Variants in ADAP2 observed in about 807,000 individuals in gnomAD.
ADAP2 encodes arf-GAP with dual PH domain-containing protein 2.
ADAP2 carries 42 observed loss-of-function variants against 54.9 expected under a neutral mutation model. The observed-to-expected ratio is 0.77, with a 90% CI of 0.60 to 0.99. ADAP2 has a LOEUF of 0.99. Among genes scored for constraint, ADAP2 ranks in the 50% least tolerant of loss-of-function variants. The pLI, the probability that ADAP2 is intolerant of heterozygous loss-of-function variation, is 0.00. For missense variants in ADAP2, 429 were observed against 480.4 expected (o/e 0.89, Z 1.00); for synonymous variants, 177 against 180.1 (o/e 0.98, Z 0.14).
At chr17:30,950,627 C>G (rs1006402240) in intron 7 of ADAP2, among the ~76,000 whole-genome samples, 1 of 152,132 alleles carries the variant, frequency 6.6e-6, no homozygotes, top group Non-Finnish European at 1.5e-5. Context: ...TTAGAGTTTC[C>G]TTGAAAGCCT....
chr17:30,934,717 G>A (rs1911747547), intron 5 of ADAP2, among the ~76,000 whole-genome samples: 1 of 152,094 alleles, frequency 6.6e-6, no homozygotes. Flanking sequence ...AATATACCAG[G>A]AGGCAATAGT....
chr17:30,953,662 G>C (rs1443572038), intron 8 of ADAP2, among the ~76,000 whole-genome samples: 1 of 151,958 alleles, frequency 6.6e-6, no homozygotes, highest in Non-Finnish European at 1.5e-5. Flanking sequence ...TCAGACTCCT[G>C]AGTAGCTGGG....
chr17:30,938,844 T>A (rs188475522), intron 5 of ADAP2, among the ~76,000 whole-genome samples: 1 of 152,224 alleles, frequency 6.6e-6, no homozygotes, highest in African/African-American at 2.4e-5. Context: ...AATTCAATAT[T>A]TGATACCAGA....
rs774990978 is a variant in ADAP2 at position 30,954,554 on chromosome 17, T to C, written c.881T>C (p.Leu294Pro). Residue 294 changes from leucine to proline, a missense_variant and splice_region_variant, in exon 9 of 11, where the codon CTG (leucine) becomes CCG (proline). Transcript: ENST00000330889. ...AGGCTGCTCTATTACAAGAACCCAC[T>C]GGTAAGAGCCACTCCTGCTCCCTCC... ...ERRLLYYKNPLDAFEQGQVFL... is the reference protein window; with the variant it reads ...ERRLLYYKNPPDAFEQGQVFL... 2.8e-5 allele frequency: 45 copies of C among 1,613,668 alleles called. No individual in the cohort carries two copies. In the East Asian group the frequency reaches 8.9e-4, roughly 32 times the overall value.
chr17:30,932,580 CTTT>C (rs544534572), intron 4 of ADAP2, among the ~76,000 whole-genome samples: 6 of 137,102 alleles, frequency 4.4e-5, no homozygotes, highest in Non-Finnish European at 3.2e-5. Flanking sequence ...TCTTCTTCTT[CTTT>C]TTTTTTTTTT....
intron 7 of ADAP2, among the ~76,000 whole-genome samples, chr17:30,950,064 G>A (rs770647663): frequency 2.0e-5 from 3 of 152,222 alleles, no homozygotes; most frequent in African/African-American, 4.8e-5. Flanking sequence ...TGGCAGCCAG[G>A]CAGGGGTGAT....
intron 7 of ADAP2, among the ~76,000 whole-genome samples, chr17:30,949,841 G>A (rs1442602652): frequency 6.6e-6 from 1 of 151,918 alleles, no homozygotes; most frequent in East Asian, 1.9e-4. Context: ...TCAGAGGGAA[G>A]CCCAAGGCAT....
At chr17:30,930,693 G>C (rs1222159363) in intron 3 of ADAP2, among the ~76,000 whole-genome samples, 1 of 152,182 alleles carries the variant, frequency 6.6e-6, no homozygotes, top group African/African-American at 2.4e-5. Context: ...TGAATGACCA[G>C]GTTGGGCCAG....
In ADAP2 at chr17:30,957,904, C is replaced by T; in HGVS notation, c.*35C>T. 6.2e-7 allele frequency: 1 copy of T among 1,606,546 alleles called. No individual in the cohort carries two copies. On this transcript the variant is annotated 3_prime_UTR_variant, in exon 11 of 11. Coordinates refer to ENST00000330889, the MANE Select transcript of ADAP2 (RefSeq NM_018404.3). ...TGAGGAACTGGCTGCCACTGAACAC[C>T]TGGAACTCCTTGTGGGAAGAAGTTT... is the stretch of plus-strand genomic sequence containing the variant.
intron 4 of ADAP2, among the ~76,000 whole-genome samples, chr17:30,933,117 A>C (rs1911617196): frequency 6.6e-6 from 1 of 152,120 alleles, no homozygotes; most frequent in Non-Finnish European, 1.5e-5. Context: ...AAAGTATAAA[A>C]AATCATTCTT....
At chr17:30,923,221 G>T in intron 2 of ADAP2, 151 bp downstream of exon 2, 1 of 867,090 alleles carries the variant, frequency 1.2e-6, no homozygotes, top group Middle Eastern at 2.3e-4. Flanking sequence ...TGGCAGCTTA[G>T]ACAGAGGCCG....
At chr17:30,957,195 A>C (rs549585840) in intron 10 of ADAP2, among the ~76,000 whole-genome samples, 2 of 152,300 alleles carry the variant, frequency 1.3e-5, no homozygotes, top group South Asian at 4.2e-4. Context: ...TGACTGTCCC[A>C]TAAAGGCCAA....
chr17:30,945,400 T>G (rs1408073695), intron 6 of ADAP2, among the ~76,000 whole-genome samples: 2 of 152,112 alleles, frequency 1.3e-5, no homozygotes, highest in Non-Finnish European at 2.9e-5. Context: ...CAGGCAGCAG[T>G]GCACCCCGGG....
intron 3 of ADAP2, among the ~76,000 whole-genome samples, chr17:30,927,510 A>G (rs1160721267): frequency 2.0e-5 from 3 of 151,870 alleles, no homozygotes; most frequent in Non-Finnish European, 4.4e-5. Context: ...AGCTACTTGG[A>G]AGGCTGAGGC....
intron 5 of ADAP2, among the ~76,000 whole-genome samples, chr17:30,943,848 AAAATAAATAAATAAAT>A (rs55789959): frequency 0.013 from 1,742 of 136,854 alleles, 14 homozygotes; most frequent in African/African-American, 0.02. Context: ...CTCTATCTCA[AAAATAAATAAATAAAT>A]AAATAAATAA....
At position 30,932,569 on chromosome 17, in the gene ADAP2, T is replaced by C. The variant is rs117112891; in HGVS notation, c.397+601T>C. Among the ~76,000 whole-genome samples, 320 of 148,996 alleles carry C rather than the reference T, an allele frequency of 2.1e-3. 7 individuals are homozygous for C. The East Asian group carries it at 0.046, about 21-fold the overall frequency. ...GTGCCCAGCCAGACTCTTTTTCTTT[T>C]TCTTCTTCTTCTTTTTTTTTTTTTT... On this transcript the variant is annotated intron_variant, in intron 4 of 10. Transcript: ENST00000330889.
At chr17:30,940,545 T>C (rs1411709091) in intron 5 of ADAP2, among the ~76,000 whole-genome samples, 3 of 152,192 alleles carry the variant, frequency 2.0e-5, no homozygotes, top group African/African-American at 7.2e-5. Flanking sequence ...CCTCAAGTGA[T>C]TCGCCCGCCT....
At chr17:30,956,029 A>T (rs930533511) in intron 9 of ADAP2, among the ~76,000 whole-genome samples, 1 of 152,222 alleles carries the variant, frequency 6.6e-6, no homozygotes, top group African/African-American at 2.4e-5. Context: ...TACAGGCATG[A>T]ACTACCAGGC....
intron 5 of ADAP2, among the ~76,000 whole-genome samples, chr17:30,935,818 C>T (rs1304608151): frequency 6.6e-6 from 1 of 152,080 alleles, no homozygotes; most frequent in African/African-American, 2.4e-5. Flanking sequence ...GCGACTTGTG[C>T]AGAGTGAGCA....
Sources: allele counts gnomAD v4.1 joint callset (sites outside exome capture counted in the v4.1 genomes callset), GRCh38; gene constraint gnomAD v4.1.1; transcripts MANE v1.5; gene names NCBI Gene and HGNC (gene_info 2026-07-23, HGNC 2026-07-21).